Variants in SLIT3 observed in about 807,000 individuals in gnomAD.
SLIT3 encodes slit guidance ligand 3.
In SLIT3, 68 loss-of-function variants were observed where a neutral mutation model predicts 184.0. The ratio of observed to expected loss-of-function variants is 0.37; its 90% CI spans 0.30 to 0.45. SLIT3 has a LOEUF of 0.45. Ranked by LOEUF, SLIT3 falls within the 20% of genes least tolerant of loss-of-function variation. The pLI, the probability that SLIT3 is intolerant of heterozygous loss-of-function variation, is 1.00. For synonymous variants in SLIT3, 831 were observed against 828.6 expected (o/e 1.00, Z -0.05); for missense variants, 1,707 against 2,026.0 (o/e 0.84, Z 3.02).
chr5:169,122,278 G>T (rs531999665), intron 4 of SLIT3, among the ~76,000 whole-genome samples: 32 of 152,276 alleles, frequency 2.1e-4, no homozygotes, highest in African/African-American at 7.2e-4. Flanking sequence ...CTCGAGAGGA[G>T]AACCAAGAAT....
At chr5:168,741,266 T>C (rs1311722285) in intron 20 of SLIT3, among the ~76,000 whole-genome samples, 23 of 151,938 alleles carry the variant, frequency 1.5e-4, no homozygotes, top group East Asian at 2.0e-4. Context: ...GTCAGGAGAT[T>C]GAGACCATCC....
Position 168,895,679 on chromosome 5 carries a change from G to T in SLIT3, c.414-12343C>A, listed in dbSNP as rs142510574. On this transcript the variant is annotated intron_variant, in intron 4 of 35. Coordinates refer to ENST00000519560, the MANE Select transcript of SLIT3 (RefSeq NM_003062.4). ...GACGTTTCTCATCATGACCCCATGC[G>T]CTATTTATTGTTCCATTCAAAGCAA... Among the ~76,000 whole-genome samples, 6 of 152,104 alleles carry T rather than the reference G, an allele frequency of 3.9e-5. 1 individual carries two copies. The East Asian group carries it at 1.2e-3, about 29-fold the overall frequency.
chr5:169,068,463 G>A (rs1350175724), intron 4 of SLIT3, among the ~76,000 whole-genome samples: 1 of 152,072 alleles, frequency 6.6e-6, no homozygotes, highest in South Asian at 2.1e-4. Context: ...ACGAAGCCTG[G>A]GGCCAAGTCA....
intron 4 of SLIT3, among the ~76,000 whole-genome samples, chr5:169,011,405 T>A (rs1295991847): frequency 1.3e-5 from 2 of 152,156 alleles, no homozygotes; most frequent in Non-Finnish European, 2.9e-5. Context: ...TACTAAAGCT[T>A]TGGTTTATCA....
intron 3 of SLIT3, among the ~76,000 whole-genome samples, chr5:169,210,763 CAGTT>C (rs35638203): frequency 0.069 from 10,480 of 152,196 alleles, 450 homozygotes; most frequent in South Asian, 0.12. Flanking sequence ...GGGATGAAGA[CAGTT>C]AGAATAGAGA....
chr5:168,748,508 C>T (rs748026407), intron 19 of SLIT3, 74 bp from the exon 20 acceptor site: 40 of 1,402,478 alleles, frequency 2.9e-5, no homozygotes, highest in Non-Finnish European at 3.7e-5. Context: ...AGCAAGGCTG[C>T]GTGTTCTCCA....
chr5:168,866,267 C>G (rs1279545037), intron 5 of SLIT3, among the ~76,000 whole-genome samples: 1 of 152,196 alleles, frequency 6.6e-6, no homozygotes, highest in Non-Finnish European at 1.5e-5. Flanking sequence ...CAAAGAGAAC[C>G]AGAGGTCCTT....
chr5:168,906,583 G>A (rs1435642747), intron 4 of SLIT3, among the ~76,000 whole-genome samples: 2 of 152,116 alleles, frequency 1.3e-5, no homozygotes, highest in African/African-American at 4.8e-5. Flanking sequence ...CCGTCACAGG[G>A]GTTACCTCTA....
intron 5 of SLIT3, among the ~76,000 whole-genome samples, chr5:168,863,862 T>C (rs1435739832): frequency 6.6e-6 from 1 of 152,162 alleles, no homozygotes. Flanking sequence ...GAAGTTTGCC[T>C]TTCCAGAAGC....
intron 1 of SLIT3, among the ~76,000 whole-genome samples, chr5:169,283,462 T>C (rs1350705098): frequency 6.6e-6 from 1 of 152,206 alleles, no homozygotes; most frequent in East Asian, 1.9e-4. Flanking sequence ...TTGACCTGAC[T>C]TGGGTCATAA....
intron 4 of SLIT3, among the ~76,000 whole-genome samples, chr5:169,133,121 C>T (rs980426913): frequency 7.2e-5 from 11 of 152,140 alleles, no homozygotes; most frequent in Admixed American, 3.3e-4. Flanking sequence ...TGATCTGCAC[C>T]TTATCCTTCT....
intron 20 of SLIT3, among the ~76,000 whole-genome samples, chr5:168,734,062 A>C (rs1242246000): frequency 6.6e-6 from 1 of 152,182 alleles, no homozygotes; most frequent in African/African-American, 2.4e-5. Context: ...GGGCTGAAAA[A>C]CTACCTATTG....
chr5:168,781,102 T>C (rs871097), intron 12 of SLIT3, among the ~76,000 whole-genome samples: 32,058 of 152,040 alleles, frequency 0.21, 4,206 homozygotes, highest in Admixed American at 0.29. Flanking sequence ...GATGCAAGAG[T>C]AACCAGGCAT....
intron 4 of SLIT3, among the ~76,000 whole-genome samples, chr5:169,059,324 A>G (rs904927521): frequency 2.0e-5 from 3 of 152,218 alleles, no homozygotes; most frequent in Admixed American, 2.0e-4. Context: ...CACATACTCC[A>G]GAATGAGGAT....
chr5:168,722,128 C>A, intron 23 of SLIT3, 128 bp downstream of exon 23: 1 of 764,504 alleles, frequency 1.3e-6, no homozygotes, highest in Non-Finnish European at 2.2e-6. Flanking sequence ...AATAAGGGTG[C>A]TGGGTAGGAA....
At position 168,666,473 on chromosome 5, in the gene SLIT3, C is replaced by G; in HGVS notation, c.4553G>C (p.Gly1518Ala). Residue 1518 changes from glycine (G) to alanine (A), a missense_variant, in exon 36 of 36, where the codon GGC becomes GCC. By Grantham distance (60) the Gly-to-Ala change is moderately conservative. Transcript: ENST00000519560. The stretch of plus-strand genomic sequence containing the variant: ...AGGGGCTTAGGAACACGCGAGGCAG[C>G]CGCACTCTAAGTGTCTCTCCACCTC... ...VEEVERHLECGCLACS is the reference protein window; with the variant it reads ...VEEVERHLECACLACS 2.5e-6 allele frequency: 4 copies of G among 1,581,038 alleles called. No individual in the cohort carries two copies. Among genetic ancestry groups the G allele is most frequent in the Non-Finnish European group, 2.6e-6 (3 of 1,160,346 alleles).
chr5:168,886,015 C>A (rs1760191954), intron 4 of SLIT3, among the ~76,000 whole-genome samples: 1 of 152,322 alleles, frequency 6.6e-6, no homozygotes, highest in East Asian at 1.9e-4. Flanking sequence ...GTAAATATAA[C>A]CAGCCTTGCT....
chr5:169,095,976 A>G (rs1581405206), intron 4 of SLIT3, among the ~76,000 whole-genome samples: 1 of 152,236 alleles, frequency 6.6e-6, no homozygotes, highest in African/African-American at 2.4e-5. Flanking sequence ...TCAAGTCTCT[A>G]TTGACAAAAA....
chr5:169,106,670 C>T (rs1760220896), intron 4 of SLIT3, among the ~76,000 whole-genome samples: 1 of 152,204 alleles, frequency 6.6e-6, no homozygotes, highest in East Asian at 1.9e-4. Context: ...ACTGCATCCC[C>T]TCCCTGTCTC....
Sources: gnomAD v4.1 joint callset for allele counts (sites outside exome capture counted in the v4.1 genomes callset) on GRCh38, gnomAD v4.1.1 for gene constraint, MANE v1.5 for transcripts, NCBI Gene and HGNC (gene_info 2026-07-23, HGNC 2026-07-21) for gene names.